The following PPM1A variants were observed in gnomAD, a reference collection of about 807,000 sequenced individuals.
PPM1A encodes the protein protein phosphatase, Mg2+/Mn2+ dependent 1A.
Under a neutral mutation model 35.0 loss-of-function variants are expected in PPM1A, and 7 were observed. The observed-to-expected ratio is 0.20, with a 90% CI of 0.11 to 0.38. The LOEUF is 0.38. Ranked by LOEUF, PPM1A falls within the 10% of genes least tolerant of loss-of-function variation. The probability of loss-of-function intolerance (pLI) is 1.00; values close to 1 mark genes in which losing one functional copy is unlikely to be tolerated. For missense variants in PPM1A, 239 were observed against 467.8 expected (o/e 0.51, Z 4.51); for synonymous variants, 153 against 167.3 (o/e 0.91, Z 0.66).
intron 1 of PPM1A, among the ~76,000 whole-genome samples, chr14:60,279,537 C>G (rs1396517869): frequency 6.6e-6 from 1 of 152,132 alleles, no homozygotes; most frequent in East Asian, 1.9e-4. Context: ...GTTTTGAGAT[C>G]TATAATTAGA....
chr14:60,252,764 T>C (rs953036133), intron 1 of PPM1A, among the ~76,000 whole-genome samples: 4 of 152,218 alleles, frequency 2.6e-5, no homozygotes, highest in Admixed American at 6.5e-5. Flanking sequence ...ATTATATTCT[T>C]TACCCTTCAC....
Position 60,269,999 on chromosome 14 carries a change from T to C in PPM1A, c.-20-12685T>C, listed in dbSNP as rs532989555. On this transcript the variant is annotated intron_variant, in intron 1 of 5. Coordinates refer to ENST00000395076, the MANE Select transcript of PPM1A (RefSeq NM_021003.5). ...CAGTCTTTAGTTTATGATTTATTTC[T>C]TCTGCCTTTGAAATTTAATTTTTCT... 1.5e-4 allele frequency among the ~76,000 whole-genome samples: 23 copies of C among 152,362 alleles called. No individual in the cohort carries two copies. In the South Asian group the frequency reaches 4.8e-3, roughly 32 times the overall value.
intron 3 of PPM1A, chr14:60,286,260 A>C: frequency 3.0e-6 from 3 of 985,934 alleles, no homozygotes; most frequent in Non-Finnish European, 3.6e-6. Flanking sequence ...TTCTTCCCTA[A>C]GCCATAAACT....
At chr14:60,259,757 A>G (rs1883535951) in intron 1 of PPM1A, among the ~76,000 whole-genome samples, 2 of 152,102 alleles carry the variant, frequency 1.3e-5, no homozygotes, top group South Asian at 2.1e-4. Flanking sequence ...TGCTTGTACT[A>G]TAATTGTAGT....
chr14:60,247,825 G>A (rs1191901641), upstream of PPM1A, among the ~76,000 whole-genome samples: 3 of 152,010 alleles, frequency 2.0e-5, no homozygotes, highest in Non-Finnish European at 4.4e-5. Flanking sequence ...AAAGTAGTAG[G>A]GTGCAAATTG....
At position 60,295,558 on chromosome 14, in the gene PPM1A, T is replaced by C. The variant is rs996900365; in HGVS notation, c.*3076T>C. 1.3e-5 allele frequency: 2 copies of C among 151,728 alleles called. No homozygotes were observed. Among genetic ancestry groups the C allele is most frequent in the Admixed American group, 6.6e-5 (1 of 15,202 alleles). 9.4% of individuals were successfully genotyped at this position (151,728 alleles called of 1,614,324 possible). A position where few individuals can be genotyped will look rare whatever the true frequency, so the allele number is the denominator to read the frequency against. On this transcript the variant is annotated 3_prime_UTR_variant, in exon 6 of 6. Transcript: ENST00000395076. The stretch of plus-strand genomic sequence containing the variant: ...ATCTGAATTACAGCAGTACTTTTAG[T>C]GATCATTCATAGGACTATATATTAA...
rs567819174 is a variant in PPM1A, at chr14:60,279,689, C to T, written c.-20-2995C>T. On this transcript the variant is annotated intron_variant, in intron 1 of 5. Coordinates refer to ENST00000395076, the MANE Select transcript of PPM1A (RefSeq NM_021003.5). ...TCCTGTTTCTCCACATTCTGACCAA[C>T]TCTTGATATTGCCAGATGGATGAGA... Among the ~76,000 whole-genome samples the T allele has an allele frequency of 5.7e-4, 87 of 152,286 alleles. No homozygotes were observed. The South Asian group carries it at 8.1e-3, about 14-fold the overall frequency.
intron 4 of PPM1A, among the ~76,000 whole-genome samples, chr14:60,290,744 G>A (rs182225261): frequency 2.6e-5 from 4 of 152,160 alleles, no homozygotes; most frequent in Admixed American, 2.0e-4. Context: ...AATAGTGATT[G>A]TAAAAGCTCC....
In PPM1A at chr14:60,282,655, T is replaced by C. The variant is rs370873658; in HGVS notation, c.-20-29T>C. 3.4e-5 allele frequency: 54 copies of C among 1,598,196 alleles called. No individual in the cohort carries two copies. Among genetic ancestry groups the C allele is most frequent in the Admixed American group, 1.4e-4 (8 of 58,020 alleles). ...ACATATTTTGTTTATAAGACAGTTA[T>C]TGACTTTCCTGTTTCTCTTCCTTTG... On this transcript the variant is annotated intron_variant, in intron 1 of 5. Transcript: ENST00000395076. The surrounding 1 kb of genome is among the most constrained non-coding windows in gnomAD (Gnocchi z 5.1).
chr14:60,279,801 T>C (rs911240919), intron 1 of PPM1A, among the ~76,000 whole-genome samples: 2 of 152,244 alleles, frequency 1.3e-5, no homozygotes, highest in Admixed American at 1.3e-4. Flanking sequence ...AGAAGTTTAA[T>C]TTAATGGTAA....
chr14:60,247,352 G>A (rs1881846285), upstream of PPM1A, among the ~76,000 whole-genome samples: 2 of 151,946 alleles, frequency 1.3e-5, no homozygotes, highest in Non-Finnish European at 2.9e-5. Context: ...AATTCTGGCC[G>A]GGAACAGTGG....
intron 1 of PPM1A, chr14:60,250,570 C>T: frequency 3.3e-6 from 1 of 302,970 alleles, no homozygotes; most frequent in South Asian, 1.3e-4. Context: ...TGTGTGCTAG[C>T]CCCACCTCCC....
Position 60,294,312 on chromosome 14 carries a change from A to G in PPM1A, c.*1830A>G, listed in dbSNP as rs1275170259. On this transcript the variant is annotated 3_prime_UTR_variant, in exon 6 of 6. Transcript: ENST00000395076. ...TATTTAATTTATATCTTATTCCAGC[A>G]TGAATGAGGAAAAACTGAAGTACTA... 4 of 151,888 alleles carry G rather than the reference A, an allele frequency of 2.6e-5. No individual in the cohort carries two copies. The highest frequency in any genetic ancestry group is 5.9e-5 in the Non-Finnish European group (4 of 67,822). 9.4% of individuals were successfully genotyped at this position (151,888 alleles called of 1,614,324 possible). A position where few individuals can be genotyped will look rare whatever the true frequency, so the allele number is the denominator to read the frequency against.
In PPM1A at chr14:60,283,375, T is replaced by C. The variant is rs1442209895; in HGVS notation, c.672T>C (p.Ile224=). Residue 224 remains isoleucine (I), a synonymous_variant, in exon 2 of 6, where the codon ATT becomes ATC. Coordinates refer to ENST00000395076, the MANE Select transcript of PPM1A (RefSeq NM_021003.5). This position sits in a 1 kb window ranked among gnomAD's most constrained non-coding sequence, Gnocchi z 6.3. ...CACCAGAGCCTGAAGTCCATGATAT[T>C]GAAAGATCTGAAGAAGATGATCAGT... The part of the protein sequence containing the change: ...LVSPEPEVHD[I]ERSEEDDQFI... 26 of 1,614,080 alleles carry C rather than the reference T, an allele frequency of 1.6e-5. No individual in the cohort carries two copies. The highest frequency in any genetic ancestry group is 2.1e-5 in the Non-Finnish European group (25 of 1,180,046).
In PPM1A at chr14:60,289,796, T is replaced by G; in HGVS notation, c.953-10T>G. The G allele has an allele frequency of 6.3e-7, 1 of 1,589,764 alleles. No individual in the cohort carries two copies. Among genetic ancestry groups the G allele is most frequent in the Non-Finnish European group, 8.6e-7 (1 of 1,160,860 alleles). On this transcript the variant is annotated splice_polypyrimidine_tract_variant and intron_variant, in intron 3 of 5. Transcript: ENST00000395076. This position sits in a 1 kb window ranked among gnomAD's most constrained non-coding sequence, Gnocchi z 4.1. Reference sequence around the variant, plus strand: ...ATAACACTTACAAAAAAAGTACTTCTGATTCCCAGAAATCATAAAGAAGCA... The same window carrying G: ...ATAACACTTACAAAAAAAGTACTTCGGATTCCCAGAAATCATAAAGAAGCA...
chr14:60,263,657 C>G (rs373257932), intron 1 of PPM1A, among the ~76,000 whole-genome samples: 1 of 152,102 alleles, frequency 6.6e-6, no homozygotes, highest in Non-Finnish European at 1.5e-5. Context: ...TTTTTCAACC[C>G]TCACCCTCTC....
intron 1 of PPM1A, among the ~76,000 whole-genome samples, chr14:60,250,858 A>G (rs146643624): frequency 2.6e-5 from 4 of 152,354 alleles, no homozygotes; most frequent in Middle Eastern, 3.4e-3. Context: ...TTGGGAATTT[A>G]GCATAGCTTG....
At chr14:60,254,998 G>A (rs1360478689) in intron 1 of PPM1A, among the ~76,000 whole-genome samples, 2 of 152,054 alleles carry the variant, frequency 1.3e-5, no homozygotes, top group Non-Finnish European at 2.9e-5. Flanking sequence ...CTAGTGTGCA[G>A]TCTGGAATTT....
chr14:60,277,148 T>A, intron 1 of PPM1A: 1 of 687,046 alleles, frequency 1.5e-6, no homozygotes, highest in Non-Finnish European at 2.0e-6. Context: ...ACAAATTGAA[T>A]CCCCTTGGGA....
Sources: allele counts gnomAD v4.1 joint callset (sites outside exome capture counted in the v4.1 genomes callset), GRCh38; gene constraint gnomAD v4.1.1; non-coding constraint Gnocchi (gnomAD v3.1); transcripts MANE v1.5; gene names NCBI Gene and HGNC (gene_info 2026-07-23, HGNC 2026-07-21).